Variants in GPC5 observed in about 807,000 individuals in gnomAD.
The protein encoded by GPC5 is glypican-5.
A neutral mutation model predicts 53.9 loss-of-function variants in GPC5; 47 were observed. That is an observed-to-expected ratio of 0.87 (90% CI 0.69 to 1.11). The LOEUF is 1.11. Among genes scored for constraint, GPC5 ranks in the 50% most tolerant of loss-of-function variants. The pLI is 0.00. For missense variants in GPC5, 748 were observed against 713.1 expected (o/e 1.05, Z -0.56); for synonymous variants, 286 against 263.3 (o/e 1.09, Z -0.84).
At chr13:91,674,686 G>GTA (rs1288540567) in intron 2 of GPC5, among the ~76,000 whole-genome samples, 2 of 146,636 alleles carry the variant, frequency 1.4e-5, no homozygotes, top group Non-Finnish European at 3.0e-5. Context: ...ATGCGTATGT[G>GTA]TATATATATG....
intron 7 of GPC5, among the ~76,000 whole-genome samples, chr13:92,381,534 A>C (rs1264990161): frequency 6.6e-6 from 1 of 152,156 alleles, no homozygotes; most frequent in Non-Finnish European, 1.5e-5. Context: ...AACAGGGAAC[A>C]CTTCTACACT....
At chr13:91,574,469 A>G (rs927008957) in intron 2 of GPC5, among the ~76,000 whole-genome samples, 1 of 152,134 alleles carries the variant, frequency 6.6e-6, no homozygotes, top group Non-Finnish European at 1.5e-5. Context: ...GTTTGATTCT[A>G]CCAGGTCAAC....
At chr13:92,022,247 C>A (rs189728295) in intron 6 of GPC5, among the ~76,000 whole-genome samples, 1 of 152,130 alleles carries the variant, frequency 6.6e-6, no homozygotes, top group African/African-American at 2.4e-5. Flanking sequence ...GTGATACACC[C>A]GCCTTGGCAT....
intron 7 of GPC5, among the ~76,000 whole-genome samples, chr13:92,169,876 T>C (rs1422272327): frequency 1.3e-5 from 2 of 152,138 alleles, no homozygotes; most frequent in African/African-American, 2.4e-5. Flanking sequence ...TTTGGAACTA[T>C]GTTACTTGGT....
At chr13:92,640,154 A>G (rs1401012835) in intron 7 of GPC5, among the ~76,000 whole-genome samples, 1 of 151,666 alleles carries the variant, frequency 6.6e-6, no homozygotes, top group Non-Finnish European at 1.5e-5. Context: ...GTGTGTATGT[A>G]TGTGTATATA....
intron 7 of GPC5, among the ~76,000 whole-genome samples, chr13:92,462,699 T>C (rs1878537479): frequency 6.6e-6 from 1 of 150,704 alleles, no homozygotes; most frequent in Admixed American, 6.7e-5. Flanking sequence ...TCCAAACAAA[T>C]TTTGTGTTTT....
intron 2 of GPC5, among the ~76,000 whole-genome samples, chr13:91,651,014 T>G (rs2082638137): frequency 1.3e-5 from 2 of 152,152 alleles, no homozygotes; most frequent in South Asian, 4.1e-4. Flanking sequence ...AATGTCAGGC[T>G]GGGTTCTCAG....
chr13:91,555,999 A>G (rs529528679), intron 2 of GPC5, among the ~76,000 whole-genome samples: 44 of 152,106 alleles, frequency 2.9e-4, no homozygotes, highest in African/African-American at 1.0e-3. Context: ...TCACCAGCTC[A>G]TTGGAACACC....
At chr13:91,925,666 G>A (rs1382311456) in intron 6 of GPC5, among the ~76,000 whole-genome samples, 1 of 152,128 alleles carries the variant, frequency 6.6e-6, no homozygotes, top group Non-Finnish European at 1.5e-5. Flanking sequence ...GTCTTATTAT[G>A]AATCAGGGGC....
In GPC5 at chr13:92,385,409, C is replaced by T. The variant is rs1167044756; in HGVS notation, c.1561+240420C>T. ...ATATATACATATATACACATATATA[C>T]ACATATATATACATATATACATATA... is the stretch of plus-strand genomic sequence containing the variant. On this transcript the variant is annotated intron_variant, in intron 7 of 7. Transcript: ENST00000377067. 8.0e-3 allele frequency among the ~76,000 whole-genome samples: 546 copies of T among 67,984 alleles called. 19 individuals carry two copies. Among genetic ancestry groups the T allele is most frequent in the African/African-American group, 0.021 (364 of 17,630 alleles). The allele number at this position is 67,984 out of a possible 152,430, so 44.6% of individuals were successfully genotyped here.
chr13:92,444,755 G>T (rs1448471855), intron 7 of GPC5, among the ~76,000 whole-genome samples: 1 of 150,168 alleles, frequency 6.7e-6, no homozygotes, highest in African/African-American at 2.4e-5. Flanking sequence ...AAACTTAAGG[G>T]ATGGGTAGAG....
At chr13:91,572,238 C>CACGTGTATATATGT (rs2031946340) in intron 2 of GPC5, among the ~76,000 whole-genome samples, 2 of 97,248 alleles carry the variant, frequency 2.1e-5, no homozygotes, top group African/African-American at 1.3e-4. Flanking sequence ...TATGTATATA[C>CACGTGTATATATGT]ATGTGTATAT....
intron 6 of GPC5, among the ~76,000 whole-genome samples, chr13:92,002,165 A>T (rs1481353932): frequency 6.6e-6 from 1 of 152,024 alleles, no homozygotes; most frequent in South Asian, 2.1e-4. Context: ...GCTCTGAAGG[A>T]CTTACAGATA....
chr13:92,461,010 G>A (rs138653442), intron 7 of GPC5, among the ~76,000 whole-genome samples: 2 of 151,982 alleles, frequency 1.3e-5, no homozygotes, highest in Non-Finnish European at 2.9e-5. Context: ...AGAAACATTG[G>A]GTTTTAAAAA....
At chr13:92,197,649 C>T (rs2042266332) in intron 7 of GPC5, among the ~76,000 whole-genome samples, 2 of 147,658 alleles carry the variant, frequency 1.4e-5, no homozygotes, top group East Asian at 2.1e-4. Context: ...AGGGCATCGC[C>T]ATCACATCTG....
At chr13:92,557,099 G>T (rs745385869) in intron 7 of GPC5, among the ~76,000 whole-genome samples, 35 of 144,370 alleles carry the variant, frequency 2.4e-4, no homozygotes, top group Non-Finnish European at 4.1e-4. Context: ...ATCTCTGAGA[G>T]AAAAAAAAAA....
intron 4 of GPC5, among the ~76,000 whole-genome samples, chr13:91,746,547 A>G (rs941739693): frequency 6.6e-6 from 1 of 152,204 alleles, no homozygotes; most frequent in Non-Finnish European, 1.5e-5. Flanking sequence ...GTTTAAAATG[A>G]AACAAGTTCC....
intron 7 of GPC5, among the ~76,000 whole-genome samples, chr13:92,782,073 C>T (rs943836853): frequency 5.0e-5 from 6 of 119,612 alleles, no homozygotes; most frequent in East Asian, 2.3e-4. Context: ...GGGAAGGGAA[C>T]GGGAAGGGGA....
intron 3 of GPC5, among the ~76,000 whole-genome samples, chr13:91,711,748 T>G (rs1285812664): frequency 2.0e-5 from 3 of 152,202 alleles, no homozygotes; most frequent in Admixed American, 2.0e-4. Flanking sequence ...AAAATGCTAC[T>G]CTGAGGTACA....
Sources: allele counts gnomAD v4.1 joint callset (sites outside exome capture counted in the v4.1 genomes callset), GRCh38; gene constraint gnomAD v4.1.1; transcripts MANE v1.5; gene names NCBI Gene and HGNC (gene_info 2026-07-23, HGNC 2026-07-21).